Variants in ADGRL4 observed in about 807,000 individuals in gnomAD.
ADGRL4 encodes EGF, latrophilin and seven transmembrane domain containing 1.
A neutral mutation model predicts 74.8 loss-of-function variants in ADGRL4; 90 were observed. The ratio of observed to expected loss-of-function variants is 1.20; its 90% CI spans 1.02 to 1.43. The LOEUF (loss-of-function observed/expected upper bound fraction) is 1.43, where lower values mean the gene tolerates loss of function less well. Ranked by LOEUF, ADGRL4 falls within the 40% of genes most tolerant of loss-of-function variation. The pLI, the probability that ADGRL4 is intolerant of heterozygous loss-of-function variation, is 0.00. For synonymous variants in ADGRL4, 311 were observed against 279.2 expected (o/e 1.11, Z -1.14); for missense variants, 881 against 814.3 (o/e 1.08, Z -1.00).
At chr1:78,939,941 A>C (rs2100690165) in intron 3 of ADGRL4, 1 of 152,646 alleles carries the variant, frequency 6.6e-6, no homozygotes, top group African/African-American at 2.4e-5. Context: ...CAATGGCAGA[A>C]CAAACTTAGA....
chr1:78,931,178 A>C (rs1272307104), intron 7 of ADGRL4, among the ~76,000 whole-genome samples: 2 of 151,332 alleles, frequency 1.3e-5, no homozygotes, highest in Non-Finnish European at 2.9e-5. Context: ...GGGCAGCCAG[A>C]CAGAGAGGGC....
At chr1:78,922,380 C>T (rs1294592228) in intron 8 of ADGRL4, among the ~76,000 whole-genome samples, 1 of 151,860 alleles carries the variant, frequency 6.6e-6, no homozygotes, top group Non-Finnish European at 1.5e-5. Flanking sequence ...GTGAGGCTGA[C>T]CAGAGGCATT....
At chr1:78,893,675 G>A (rs989764210) in intron 12 of ADGRL4, among the ~76,000 whole-genome samples, 6 of 151,818 alleles carry the variant, frequency 4.0e-5, no homozygotes, top group African/African-American at 1.2e-4. Flanking sequence ...ACTTTCTCTC[G>A]TATGATTTAT....
At chr1:78,946,852 C>A (rs1649612400) in intron 2 of ADGRL4, among the ~76,000 whole-genome samples, 2 of 152,116 alleles carry the variant, frequency 1.3e-5, no homozygotes, top group South Asian at 2.1e-4. Flanking sequence ...CTATTTATTT[C>A]ATCCACTGTT....
intron 2 of ADGRL4, among the ~76,000 whole-genome samples, chr1:78,971,465 AG>A (rs1171974833): frequency 6.6e-6 from 1 of 152,026 alleles, no homozygotes; most frequent in Non-Finnish European, 1.5e-5. Flanking sequence ...CACCCTTTGC[AG>A]GGGGGAAAAG....
intron 2 of ADGRL4, among the ~76,000 whole-genome samples, chr1:78,954,207 T>C (rs546697761): frequency 2.8e-4 from 42 of 152,172 alleles, no homozygotes; most frequent in African/African-American, 9.2e-4. Flanking sequence ...GTAGGGTTCA[T>C]ATTACTTTAG....
intron 3 of ADGRL4, among the ~76,000 whole-genome samples, chr1:78,943,819 AT>A (rs1467219930): frequency 6.6e-6 from 1 of 152,178 alleles, no homozygotes; most frequent in South Asian, 2.1e-4. Context: ...GAGAAATAAC[AT>A]TTTTCTAGAG....
At chr1:78,962,651 T>G (rs768944436) in intron 2 of ADGRL4, among the ~76,000 whole-genome samples, 2 of 152,186 alleles carry the variant, frequency 1.3e-5, no homozygotes, top group Non-Finnish European at 2.9e-5. Flanking sequence ...AAAAATATAG[T>G]GAAATATCAT....
intron 2 of ADGRL4, among the ~76,000 whole-genome samples, chr1:78,976,728 C>T (rs2100722327): frequency 6.6e-6 from 1 of 150,692 alleles, no homozygotes; most frequent in Admixed American, 6.6e-5. Flanking sequence ...AAAGCTTGTT[C>T]AGGAAGAAAT....
intron 2 of ADGRL4, among the ~76,000 whole-genome samples, chr1:78,953,602 A>C (rs973773073): frequency 6.6e-6 from 1 of 152,224 alleles, no homozygotes; most frequent in African/African-American, 2.4e-5. Context: ...GTAGAAATAC[A>C]TGGATTCAGA....
chr1:78,994,981 A>G (rs1383357290), intron 2 of ADGRL4, among the ~76,000 whole-genome samples: 1 of 152,198 alleles, frequency 6.6e-6, no homozygotes, highest in African/African-American at 2.4e-5. Flanking sequence ...ATTGCAACAC[A>G]AAGATCAGTT....
intron 3 of ADGRL4, among the ~76,000 whole-genome samples, chr1:78,941,865 C>T (rs904473796): frequency 2.0e-5 from 3 of 152,108 alleles, no homozygotes; most frequent in Admixed American, 1.3e-4. Context: ...CTGACTATAA[C>T]ACTTATGAGC....
chr1:78,968,694 T>C (rs1650109350), intron 2 of ADGRL4, among the ~76,000 whole-genome samples: 1 of 152,148 alleles, frequency 6.6e-6, no homozygotes, highest in Non-Finnish European at 1.5e-5. Context: ...GCTGGACTGA[T>C]AGGGAAAATA....
At chr1:78,954,274 C>T (rs1229827354) in intron 2 of ADGRL4, among the ~76,000 whole-genome samples, 4 of 151,978 alleles carry the variant, frequency 2.6e-5, no homozygotes, top group African/African-American at 9.7e-5. Context: ...AGAGAAGACT[C>T]GTTATCTAAT....
At chr1:78,903,971 AAATAAAT>A (rs576694340) in intron 12 of ADGRL4, among the ~76,000 whole-genome samples, 1,052 of 102,042 alleles carry the variant, frequency 0.01, 12 homozygotes, top group African/African-American at 0.03. Context: ...ATAAATAAAT[AAATAAAT>A]AATAATAATA....
intron 12 of ADGRL4, among the ~76,000 whole-genome samples, chr1:78,914,497 A>G (rs1349098754): frequency 6.6e-6 from 1 of 151,806 alleles, no homozygotes; most frequent in Non-Finnish European, 1.5e-5. Flanking sequence ...GGTCATTGCT[A>G]TCCCCAAAAT....
intron 13 of ADGRL4, 63 bp from the exon 14 acceptor site, chr1:78,891,755 T>C: frequency 7.1e-7 from 1 of 1,414,544 alleles, no homozygotes; most frequent in Non-Finnish European, 9.6e-7. Context: ...TCTCCCAAAT[T>C]ACTCAAATTA....
Position 79,003,494 on chromosome 1 carries a change from G to A in ADGRL4, c.172+1576C>T, listed in dbSNP as rs368740832. On this transcript the variant is annotated intron_variant, in intron 2 of 14. Transcript: ENST00000370742. ...TGTGAAAAGAAACTGCAGGCCAAAAGGTCTTAAAGAATTTTTTTTTTCCAA... is the reference window on the plus strand; with the variant it reads ...TGTGAAAAGAAACTGCAGGCCAAAAAGTCTTAAAGAATTTTTTTTTTCCAA... Among the ~76,000 whole-genome samples the A allele has an allele frequency of 2.9e-3, 418 of 144,442 alleles. 1 individual carries two copies. Among genetic ancestry groups the A allele is most frequent in the African/African-American group, 9.9e-3 (384 of 38,836 alleles). The allele number at this position is 144,442 out of a possible 152,430, so 94.8% of individuals were successfully genotyped here.
chr1:78,942,588 G>C (rs1224046504), intron 3 of ADGRL4, among the ~76,000 whole-genome samples: 1 of 152,072 alleles, frequency 6.6e-6, no homozygotes, highest in Non-Finnish European at 1.5e-5. Flanking sequence ...CTAATAATTT[G>C]ATATCACTAA....
Sources: allele counts gnomAD v4.1 joint callset (sites outside exome capture counted in the v4.1 genomes callset), GRCh38; gene constraint gnomAD v4.1.1; transcripts MANE v1.5; gene names NCBI Gene and HGNC (gene_info 2026-07-23, HGNC 2026-07-21).